Variants in SCUBE2 observed in about 807,000 individuals in gnomAD.
SCUBE2 encodes the protein signal peptide, CUB and EGF-like domain-containing protein 2.
A neutral mutation model predicts 125.9 loss-of-function variants in SCUBE2; 114 were observed. The ratio of observed to expected loss-of-function variants is 0.91; its 90% CI spans 0.78 to 1.06. The LOEUF (loss-of-function observed/expected upper bound fraction) is 1.06, where lower values mean the gene tolerates loss of function less well. SCUBE2 is among the 50% of genes least tolerant of loss of function. The pLI is 0.00. For synonymous variants in SCUBE2, 459 were observed against 492.9 expected (o/e 0.93, Z 0.91); for missense variants, 1,255 against 1,301.8 (o/e 0.96, Z 0.55).
Position 9,052,736 on chromosome 11 carries a change from T to C in SCUBE2, c.1534+10A>G. 3.3e-6 allele frequency: 5 copies of C among 1,530,292 alleles called. No individual in the cohort carries two copies. In the South Asian group the frequency reaches 6.0e-5, roughly 18 times the overall value. The allele number at this position is 1,530,292 out of a possible 1,614,324, so 94.8% of individuals were successfully genotyped here. ...AGCCCCCAGAGAGAACACGCAGATT[T>C]GGTAATTACCCCCAAAAGCAGAGTC... On this transcript the variant is annotated intron_variant, in intron 13 of 22. Transcript: ENST00000649792.
chr11:9,079,593 T>G (rs150751734), intron 2 of SCUBE2, 84 bp from the exon 3 acceptor site: 1 of 1,384,010 alleles, frequency 7.2e-7, no homozygotes, highest in South Asian at 1.4e-5. Flanking sequence ...CCATTCCACT[T>G]CTAGGAATCT....
intron 18 of SCUBE2, 65 bp downstream of exon 18, chr11:9,030,693 G>A (rs1856228330): frequency 4.6e-6 from 7 of 1,522,926 alleles, no homozygotes; most frequent in African/African-American, 1.4e-5. Context: ...GGAGCCTCAC[G>A]AGACTCCCAT....
intron 16 of SCUBE2, among the ~76,000 whole-genome samples, chr11:9,046,791 C>A (rs1857823590): frequency 6.6e-6 from 1 of 152,188 alleles, no homozygotes. Flanking sequence ...GACAGTTACA[C>A]TTGATTTTGC....
At chr11:9,084,721 A>T (rs1861918131) in intron 2 of SCUBE2, among the ~76,000 whole-genome samples, 1 of 152,054 alleles carries the variant, frequency 6.6e-6, no homozygotes, top group African/African-American at 2.4e-5. Flanking sequence ...TTTTATCATG[A>T]AAAAAACAAA....
chr11:9,054,701 G>A (rs10769989), intron 10 of SCUBE2, among the ~76,000 whole-genome samples: 27,411 of 50,452 alleles, frequency 0.54, 8,071 homozygotes, highest in South Asian at 0.69. Context: ...AAGCACTAGT[G>A]TATATATATA....
intron 8 of SCUBE2, 43 bp from the exon 9 acceptor site, chr11:9,059,468 C>T: frequency 6.3e-7 from 1 of 1,585,988 alleles, no homozygotes; most frequent in Non-Finnish European, 8.6e-7. Flanking sequence ...GCAATACTTG[C>T]CTCATTTCCC....
chr11:9,029,916 A>T lies in SCUBE2; in HGVS notation c.2471T>A (p.Phe824Tyr). 3 of 1,614,184 alleles carry T rather than the reference A, an allele frequency of 1.9e-6. No individual in the cohort carries two copies. The highest frequency in any genetic ancestry group is 2.5e-6 in the Non-Finnish European group (3 of 1,180,018). The change falls in exon 19 of 23, where the codon TTT becomes TAT. Residue 824 changes from phenylalanine (F) to tyrosine (Y), a missense_variant. Phe to Tyr is a conservative substitution (Grantham distance 22). Transcript: ENST00000649792. ...VSCPGNTTTD[F>Y]DGSTNITQCK... is the part of the protein sequence containing the mutation. ...CTGGGTTATGTTTGTGGAGCCATCA[A>T]AGTCAGTCGTAGTATTTCCTGGGCA...
In SCUBE2 at chr11:9,089,829, T is replaced by A. The variant is rs1396438853; in HGVS notation, c.134A>T (p.Asp45Val). The change falls in exon 2 of 23, where the codon GAT becomes GTT. Residue 45 changes from aspartate to valine, a missense_variant and splice_region_variant. Asp to Val is a radical substitution (Grantham distance 152). Transcript: ENST00000649792. ...GRGRAAGPQE[D>V]VDECAQGLDD... ...TAGCCCTTGGGCACACTCATCTACA[T>A]CTGCAAAAGAGCACAGCTGACACCT... The A allele has an allele frequency of 6.2e-7, 1 of 1,613,448 alleles. No homozygotes were observed. Among genetic ancestry groups the A allele is most frequent in the African/African-American group, 1.3e-5 (1 of 74,892 alleles).
At chr11:9,051,208 A>ATCTATCTG (rs1401390718) in intron 13 of SCUBE2, among the ~76,000 whole-genome samples, 2 of 148,750 alleles carry the variant, frequency 1.3e-5, no homozygotes, top group Non-Finnish European at 3.0e-5. Flanking sequence ...CTATCTATCT[A>ATCTATCTG]TCTATCTATC....
chr11:9,024,380 G>A, intron 21 of SCUBE2: 1 of 1,288,392 alleles, frequency 7.8e-7, no homozygotes, highest in South Asian at 1.2e-5. Context: ...AAAACTCCTT[G>A]TCTTGGGTGT....
chr11:9,048,843 TTGAAA>T (rs564866660), intron 14 of SCUBE2, among the ~76,000 whole-genome samples: 5 of 152,212 alleles, frequency 3.3e-5, no homozygotes, highest in Non-Finnish European at 5.9e-5. Flanking sequence ...AAAATCTTTA[TTGAAA>T]TGAAGTATTG....
intron 10 of SCUBE2, among the ~76,000 whole-genome samples, chr11:9,055,129 GA>G (rs1253418403): frequency 6.6e-6 from 1 of 152,150 alleles, no homozygotes; most frequent in Non-Finnish European, 1.5e-5. Flanking sequence ...GATGACCTTG[GA>G]AGTCCTAGAC....
intron 21 of SCUBE2, among the ~76,000 whole-genome samples, chr11:9,022,320 T>C (rs1369712155): frequency 2.0e-5 from 3 of 152,108 alleles, no homozygotes; most frequent in African/African-American, 7.2e-5. Flanking sequence ...TCTATTCGTC[T>C]CTCCCACCAG....
intron 5 of SCUBE2, among the ~76,000 whole-genome samples, chr11:9,068,622 G>A (rs1590121833): frequency 6.6e-6 from 1 of 152,194 alleles, no homozygotes; most frequent in African/African-American, 2.4e-5. Context: ...GATAGCAGAG[G>A]ATGGTAGCAT....
chr11:9,047,857 C>A, intron 15 of SCUBE2, 86 bp downstream of exon 15: 1 of 1,442,094 alleles, frequency 6.9e-7, no homozygotes, highest in East Asian at 2.3e-5. Flanking sequence ...CATTACTTTT[C>A]CCCCAAGAAT....
At chr11:9,032,236 G>C (rs1241271717) in intron 17 of SCUBE2, among the ~76,000 whole-genome samples, 1 of 151,892 alleles carries the variant, frequency 6.6e-6, no homozygotes, top group East Asian at 1.9e-4. Flanking sequence ...CTGCACCTCA[G>C]CCACCTAAGT....
Position 9,021,011 on chromosome 11 carries a change from C to A in SCUBE2, c.*34G>T. 1 of 1,596,174 alleles carries A rather than the reference C, an allele frequency of 6.3e-7. No homozygotes were observed. Among genetic ancestry groups the A allele is most frequent in the Non-Finnish European group, 8.5e-7 (1 of 1,169,746 alleles). ...CAGCTCTGTCCCACCAACCCTATAG[C>A]AGAACATTTGTATTGAGTGGCACGT... On this transcript the variant is annotated 3_prime_UTR_variant, in exon 23 of 23. Coordinates refer to ENST00000649792, the MANE Select transcript of SCUBE2 (RefSeq NM_001367977.2).
At chr11:9,064,414 T>C (rs1235315900) in intron 7 of SCUBE2, 1 of 146,446 alleles carries the variant, frequency 6.8e-6, no homozygotes, top group Non-Finnish European at 1.5e-5. Flanking sequence ...TGCAGTGAGA[T>C]ATGATCACAC....
chr11:9,072,629 G>C (rs998997113), intron 4 of SCUBE2, among the ~76,000 whole-genome samples: 2 of 152,178 alleles, frequency 1.3e-5, no homozygotes, highest in African/African-American at 2.4e-5. Context: ...AGGATGCAAA[G>C]GTTCTCCGTT....
Sources: allele counts gnomAD v4.1 joint callset (sites outside exome capture counted in the v4.1 genomes callset), GRCh38; gene constraint gnomAD v4.1.1; transcripts MANE v1.5; gene names NCBI Gene and HGNC (gene_info 2026-07-23, HGNC 2026-07-21).